The following NELL2 variants were observed in gnomAD, a reference collection of about 807,000 sequenced individuals.
NELL2 encodes neural EGFL like 2, also known as protein kinase C-binding protein NELL2.
In NELL2, 41 loss-of-function variants were observed where a neutral mutation model predicts 109.6. The ratio of observed to expected loss-of-function variants is 0.37; its 90% CI spans 0.29 to 0.49. NELL2 has a LOEUF of 0.49. NELL2 is among the 20% of genes least tolerant of loss of function. The pLI is 0.98. For synonymous variants in NELL2, 355 were observed against 344.7 expected, an observed-to-expected ratio of 1.03 and a Z score of -0.33; for missense variants, 900 against 1,008.3, an observed-to-expected ratio of 0.89 and a Z score of 1.45.
At chr12:44,720,663 A>G (rs1372799796) in intron 9 of NELL2, among the ~76,000 whole-genome samples, 1 of 152,192 alleles carries the variant, frequency 6.6e-6, no homozygotes, top group Non-Finnish European at 1.5e-5. Flanking sequence ...TTGTGAGTCA[A>G]TGCTATTTAA....
At chr12:44,537,031 A>AT (rs1383985457) in intron 15 of NELL2, among the ~76,000 whole-genome samples, 3 of 150,150 alleles carry the variant, frequency 2.0e-5, no homozygotes, top group Non-Finnish European at 3.0e-5. Context: ...AAAAAAAAAA[A>AT]GGAAAATGTA....
chr12:44,757,024 A>G (rs1467885531), intron 9 of NELL2, among the ~76,000 whole-genome samples: 1 of 152,192 alleles, frequency 6.6e-6, no homozygotes, highest in African/African-American at 2.4e-5. Context: ...AAGTGAACTC[A>G]AAATCTAATT....
chr12:44,531,739 T>A lies in NELL2; in HGVS notation c.1804+842A>T, dbSNP rs188424766. On this transcript the variant is annotated intron_variant, in intron 16 of 19. Coordinates refer to ENST00000429094, the MANE Select transcript of NELL2 (RefSeq NM_001145108.2). ...GATTGTCAAAAGCTTTCATTGACTG[T>A]GTCATCTTAACCCCATTATCCTCTC... Among the ~76,000 whole-genome samples the A allele has an allele frequency of 8.5e-5, 13 of 152,368 alleles. No individual in the cohort carries two copies. The East Asian group carries it at 2.5e-3, about 29-fold the overall frequency.
intron 15 of NELL2, among the ~76,000 whole-genome samples, chr12:44,605,852 G>A (rs1228159806): frequency 1.3e-5 from 2 of 152,140 alleles, no homozygotes; most frequent in African/African-American, 4.8e-5. Context: ...ACCTTGATGT[G>A]TAGGGGCAAA....
At position 44,876,061 on chromosome 12, in the gene NELL2, T is replaced by G; in HGVS notation, c.-192A>C. ...GGCCTCCCCAGGCGCGTGAAGAACT[T>G]AGACCCTCCAATGCGCACATCATTC... On this transcript the variant is annotated 5_prime_UTR_variant, in exon 1 of 20. Coordinates refer to ENST00000429094, the MANE Select transcript of NELL2 (RefSeq NM_001145108.2). The G allele has an allele frequency of 4.2e-6, 6 of 1,422,908 alleles. No individual in the cohort carries two copies. Among genetic ancestry groups the G allele is most frequent in the East Asian group, 2.7e-5 (1 of 37,334 alleles). The allele number at this position is 1,422,908 out of a possible 1,614,324, so 88.1% of individuals were successfully genotyped here.
At chr12:44,589,384 T>TTTTA (rs35746362) in intron 15 of NELL2, among the ~76,000 whole-genome samples, 66,196 of 149,664 alleles carry the variant, frequency 0.44, 15,289 homozygotes, top group East Asian at 0.68. Flanking sequence ...GAGACACTAC[T>TTTTA]TTTATTTATT....
intron 15 of NELL2, among the ~76,000 whole-genome samples, chr12:44,573,954 G>C (rs1188138432): frequency 6.6e-6 from 1 of 152,188 alleles, no homozygotes; most frequent in Non-Finnish European, 1.5e-5. Flanking sequence ...TCCTGTCTTG[G>C]ATTAGGTGTT....
At chr12:44,788,465 C>G (rs1942262335) in intron 3 of NELL2, among the ~76,000 whole-genome samples, 1 of 152,132 alleles carries the variant, frequency 6.6e-6, no homozygotes, top group African/African-American at 2.4e-5. Flanking sequence ...ATCTAGAGAG[C>G]CTAGTCAAAT....
intron 1 of NELL2, among the ~76,000 whole-genome samples, chr12:44,893,615 C>T (rs2710466): frequency 3.3e-5 from 5 of 151,812 alleles, no homozygotes; most frequent in Non-Finnish European, 7.4e-5. Context: ...GAGTAACTGC[C>T]GAGCAGGCAC....
intron 13 of NELL2, among the ~76,000 whole-genome samples, chr12:44,638,465 G>A (rs924058951): frequency 6.6e-6 from 1 of 152,102 alleles, no homozygotes; most frequent in Non-Finnish European, 1.5e-5. Context: ...GTAATAAAAT[G>A]CACAACACAT....
intron 12 of NELL2, among the ~76,000 whole-genome samples, chr12:44,689,157 G>C (rs1466270399): frequency 1.3e-5 from 2 of 152,064 alleles, no homozygotes; most frequent in African/African-American, 4.8e-5. Flanking sequence ...CTTACATACT[G>C]CCACTCCCCT....
At chr12:44,880,477 C>T (rs1239002179), upstream of NELL2, among the ~76,000 whole-genome samples, 4 of 151,298 alleles carry the variant, frequency 2.6e-5, no homozygotes, top group Admixed American at 6.6e-5. Flanking sequence ...GTGCCAAGAC[C>T]GATAAAAAGA....
At chr12:44,537,500 G>A (rs1314880554) in intron 15 of NELL2, among the ~76,000 whole-genome samples, 1 of 151,956 alleles carries the variant, frequency 6.6e-6, no homozygotes, top group African/African-American at 2.4e-5. Flanking sequence ...CAGTCACATA[G>A]AGTACTCTTT....
At chr12:44,609,969 T>TG (rs1260162253) in intron 14 of NELL2, among the ~76,000 whole-genome samples, 4 of 151,966 alleles carry the variant, frequency 2.6e-5, no homozygotes, top group Admixed American at 1.3e-4. Context: ...TGTTATACTA[T>TG]GGGAGTTCAC....
intron 2 of NELL2, among the ~76,000 whole-genome samples, chr12:44,826,263 T>A (rs963187187): frequency 6.6e-6 from 1 of 152,200 alleles, no homozygotes; most frequent in Non-Finnish European, 1.5e-5. Flanking sequence ...ATACAATGTA[T>A]AAATTCTATT....
chr12:44,674,071 C>T (rs1454222764), intron 12 of NELL2, among the ~76,000 whole-genome samples: 1 of 152,042 alleles, frequency 6.6e-6, no homozygotes, highest in African/African-American at 2.4e-5. Context: ...TAAAGTGATG[C>T]ATACTATATA....
At chr12:44,782,199 C>T (rs577584621) in intron 3 of NELL2, among the ~76,000 whole-genome samples, 11 of 151,732 alleles carry the variant, frequency 7.2e-5, no homozygotes, top group East Asian at 1.9e-4. Context: ...AATGACTATA[C>T]GAACAATCAG....
intron 12 of NELL2, among the ~76,000 whole-genome samples, chr12:44,678,306 C>T (rs1408241426): frequency 2.0e-5 from 3 of 152,034 alleles, no homozygotes; most frequent in African/African-American, 7.2e-5. Flanking sequence ...AAACTAGTGA[C>T]CTGGTACTAC....
rs73279144 is a variant in NELL2, at chr12:44,835,539, C to T, written c.185-19403G>A. ...GCTGCAGCCGCTCAGGGCCAACACA[C>T]GCATTCTTACTCTGGTCAATCTACA... On this transcript the variant is annotated intron_variant, in intron 2 of 19. Transcript: ENST00000429094. Among the ~76,000 whole-genome samples the T allele has an allele frequency of 4.6e-3, 704 of 152,332 alleles. 4 individuals carry two copies. The highest frequency in any genetic ancestry group is 0.016 in the African/African-American group (648 of 41,564).
Sources: gnomAD v4.1 joint callset for allele counts (sites outside exome capture counted in the v4.1 genomes callset) on GRCh38, gnomAD v4.1.1 for gene constraint, MANE v1.5 for transcripts, NCBI Gene and HGNC (gene_info 2026-07-23, HGNC 2026-07-21) for gene names.